The following CACNA1C variants were observed in gnomAD, a reference collection of about 807,000 sequenced individuals.
The protein encoded by CACNA1C is voltage-dependent L-type calcium channel subunit alpha-1C.
CACNA1C carries 30 observed loss-of-function variants against 229.0 expected under a neutral mutation model. That is an observed-to-expected ratio of 0.13 (90% CI 0.10 to 0.18). CACNA1C has a LOEUF of 0.18. Among genes scored for constraint, CACNA1C ranks in the 10% least tolerant of loss-of-function variants. The pLI, the probability that CACNA1C is intolerant of heterozygous loss-of-function variation, is 1.00. For synonymous variants in CACNA1C, 1,114 were observed against 1,132.5 expected, an observed-to-expected ratio of 0.98 and a Z score of 0.33; for missense variants, 1,658 against 2,845.0, an observed-to-expected ratio of 0.58 and a Z score of 9.49.
At chr12:2,259,763 G>T (rs961352177) in intron 3 of CACNA1C, among the ~76,000 whole-genome samples, 1 of 152,106 alleles carries the variant, frequency 6.6e-6, no homozygotes, top group Admixed American at 6.5e-5. Flanking sequence ...GCAAGACCTG[G>T]TCTCTACTAA....
intron 34 of CACNA1C, among the ~76,000 whole-genome samples, chr12:2,657,411 G>A (rs1422190810): frequency 1.3e-5 from 2 of 151,898 alleles, no homozygotes; most frequent in Non-Finnish European, 2.9e-5. Flanking sequence ...GTTTAATTCT[G>A]TACATAACTA....
chr12:2,363,201 T>C (rs959855353), intron 3 of CACNA1C, among the ~76,000 whole-genome samples: 1 of 152,192 alleles, frequency 6.6e-6, no homozygotes, highest in Non-Finnish European at 1.5e-5. Flanking sequence ...CATTGTCTGC[T>C]CTTGGAGGTT....
Position 2,449,130 on chromosome 12 carries a change from CTG to C in CACNA1C, c.617+17_617+18del. The stretch of plus-strand genomic sequence containing the variant: ...GTGGTTGTGGGGTAAGTATCACTGT[CTG>C]TTTCTTTCCCTTTATCTTACCAGTG... On this transcript the variant is annotated intron_variant, in intron 4 of 46. Transcript: ENST00000399655. 1 of 1,515,604 alleles carries C rather than the reference CTG, an allele frequency of 6.6e-7. No individual in the cohort carries two copies. 93.9% of individuals were successfully genotyped at this position (1,515,604 alleles called of 1,614,324 possible). A position where few individuals can be genotyped will look rare whatever the true frequency, so the allele number is the denominator to read the frequency against.
intron 1 of CACNA1C, among the ~76,000 whole-genome samples, chr12:2,017,363 T>G (rs540375453): frequency 6.6e-6 from 1 of 152,336 alleles, no homozygotes; most frequent in Non-Finnish European, 1.5e-5. Context: ...CCGTTAGTAC[T>G]TTTTAGCTTG....
intron 3 of CACNA1C, among the ~76,000 whole-genome samples, chr12:2,245,910 A>G (rs1600522397): frequency 6.6e-6 from 1 of 152,174 alleles, no homozygotes; most frequent in Non-Finnish European, 1.5e-5. Flanking sequence ...TCTGAAATGC[A>G]TTTGGCCCCA....
intron 3 of CACNA1C, among the ~76,000 whole-genome samples, chr12:2,331,258 A>G (rs2096538398): frequency 6.6e-6 from 1 of 152,234 alleles, no homozygotes; most frequent in Non-Finnish European, 1.5e-5. Context: ...GGATGTATAT[A>G]TAATATGGAT....
Position 2,550,018 on chromosome 12 carries a change from G to A in CACNA1C, c.1466G>A (p.Cys489Tyr). ...GGAGGTGACATCGAGGGAGAAAACT[G>A]CGGGGCCAGGCTGGCGTGAGTAGGC... is the stretch of plus-strand genomic sequence containing the variant. ...VAGGDIEGENCGARLAHRISK... is the reference protein window; with the variant it reads ...VAGGDIEGENYGARLAHRISK... Residue 489 changes from cysteine to tyrosine, a missense_variant, in exon 10 of 47, where the codon TGC becomes TAC. Coordinates refer to ENST00000399655, the MANE Select transcript of CACNA1C (RefSeq NM_000719.7). The A allele has an allele frequency of 6.2e-7, 1 of 1,605,404 alleles. No individual in the cohort carries two copies. The highest frequency in any genetic ancestry group is 1.7e-5 in the Admixed American group (1 of 58,954).
chr12:2,623,618 G>A (rs977660036), intron 29 of CACNA1C, among the ~76,000 whole-genome samples: 1 of 152,172 alleles, frequency 6.6e-6, no homozygotes, highest in Non-Finnish European at 1.5e-5. Flanking sequence ...CTTCCAGCAG[G>A]ACTGGAAAGT....
chr12:2,498,978 T>C (rs2099752906), intron 7 of CACNA1C, among the ~76,000 whole-genome samples: 1 of 152,172 alleles, frequency 6.6e-6, no homozygotes, highest in South Asian at 2.1e-4. Context: ...GCTTATTTTG[T>C]TGGCTTGCCT....
intron 3 of CACNA1C, among the ~76,000 whole-genome samples, chr12:2,438,896 TA>T (rs1224306502): frequency 1.3e-5 from 2 of 152,014 alleles, no homozygotes; most frequent in African/African-American, 4.8e-5. Context: ...GGTGGGCAGT[TA>T]GTAGAGAGTT....
At chr12:2,274,781 G>T (rs2086947235) in intron 3 of CACNA1C, among the ~76,000 whole-genome samples, 1 of 152,190 alleles carries the variant, frequency 6.6e-6, no homozygotes, top group Non-Finnish European at 1.5e-5. Flanking sequence ...TGGTCTGAGG[G>T]TGCAGTCTAG....
intron 3 of CACNA1C, among the ~76,000 whole-genome samples, chr12:2,353,222 G>T (rs1463851491): frequency 6.6e-6 from 1 of 152,156 alleles, no homozygotes; most frequent in African/African-American, 2.4e-5. Flanking sequence ...CAGGTGGGTA[G>T]AATTTCCACA....
chr12:2,308,173 G>A (rs559199682), intron 3 of CACNA1C, among the ~76,000 whole-genome samples: 2 of 152,144 alleles, frequency 1.3e-5, no homozygotes, highest in African/African-American at 2.4e-5. Context: ...TGTCCAAGTG[G>A]GTTAGAGAAA....
intron 5 of CACNA1C, among the ~76,000 whole-genome samples, chr12:2,470,550 C>T (rs1404246191): frequency 6.6e-6 from 1 of 152,182 alleles, no homozygotes; most frequent in Non-Finnish European, 1.5e-5. Flanking sequence ...TGGTTAAAGA[C>T]TCAGATGGTG....
intron 1 of CACNA1C, among the ~76,000 whole-genome samples, chr12:2,111,825 A>C (rs1242024160): frequency 6.6e-6 from 1 of 152,212 alleles, no homozygotes; most frequent in African/African-American, 2.4e-5. Flanking sequence ...CAGTGGCTCC[A>C]GTACAGCAGA....
chr12:2,418,691 A>G (rs896817046), intron 3 of CACNA1C, among the ~76,000 whole-genome samples: 5 of 152,200 alleles, frequency 3.3e-5, no homozygotes, highest in African/African-American at 1.2e-4. Flanking sequence ...CACTTGGGCA[A>G]TCCTGATCAG....
At chr12:2,130,104 G>A (rs2091777146) in intron 3 of CACNA1C, among the ~76,000 whole-genome samples, 2 of 151,308 alleles carry the variant, frequency 1.3e-5, no homozygotes, top group Non-Finnish European at 2.9e-5. Flanking sequence ...AATAATAGCA[G>A]CAATAACTTC....
In CACNA1C at chr12:2,106,459, GGTGT is replaced by G. The variant is rs1229649788; in HGVS notation, c.50-8764_50-8761del. On this transcript the variant is annotated intron_variant, in intron 1 of 46. Coordinates refer to ENST00000399655, the MANE Select transcript of CACNA1C (RefSeq NM_000719.7). ...TGGGGAGGGTTTCCACCTCAGCTGG[GGTGT>G]CCTGAAGCCACTGGGAGCCCACCCC... is the stretch of plus-strand genomic sequence containing the variant. Among the ~76,000 whole-genome samples the G allele has an allele frequency of 3.8e-4, 39 of 103,534 alleles. 1 individual carries two copies. The highest frequency in any genetic ancestry group is 1.1e-3 in the African/African-American group (30 of 27,438). The allele number at this position is 103,534 out of a possible 152,430, so 67.9% of individuals were successfully genotyped here.
At chr12:2,028,954 C>T (rs2047771195) in intron 1 of CACNA1C, among the ~76,000 whole-genome samples, 1 of 152,160 alleles carries the variant, frequency 6.6e-6, no homozygotes, top group South Asian at 2.1e-4. Context: ...CTTCTGCCTT[C>T]TGTGTTTGGC....
Sources: allele counts gnomAD v4.1 joint callset (sites outside exome capture counted in the v4.1 genomes callset), GRCh38; gene constraint gnomAD v4.1.1; transcripts MANE v1.5; gene names NCBI Gene and HGNC (gene_info 2026-07-23, HGNC 2026-07-21).